Variants in SEMA5A observed in about 807,000 individuals in gnomAD.
SEMA5A encodes the protein semaphorin 5A, also known as semaphorin-5A.
Under a neutral mutation model 135.5 loss-of-function variants are expected in SEMA5A, and 55 were observed. That is an observed-to-expected ratio of 0.41 (90% CI 0.33 to 0.51). The LOEUF is 0.51. Ranked by LOEUF, SEMA5A falls within the 20% of genes least tolerant of loss-of-function variation. The pLI is 0.37. For missense variants in SEMA5A, 1,290 were observed against 1,419.9 expected, an observed-to-expected ratio of 0.91 and a Z score of 1.47; for synonymous variants, 580 against 546.5, an observed-to-expected ratio of 1.06 and a Z score of -0.85.
At chr5:9,196,876 G>A (rs1303344386) in intron 10 of SEMA5A, among the ~76,000 whole-genome samples, 1 of 152,216 alleles carries the variant, frequency 6.6e-6, no homozygotes, top group Non-Finnish European at 1.5e-5. Flanking sequence ...AGCATCATTA[G>A]TACTAATTGA....
At chr5:9,143,656 A>T (rs1381528121) in intron 12 of SEMA5A, among the ~76,000 whole-genome samples, 3 of 152,206 alleles carry the variant, frequency 2.0e-5, no homozygotes, top group African/African-American at 7.2e-5. Flanking sequence ...CAGTGATGGG[A>T]TTAGATAGAG....
At chr5:9,210,634 G>A (rs1746295777) in intron 8 of SEMA5A, among the ~76,000 whole-genome samples, 1 of 152,134 alleles carries the variant, frequency 6.6e-6, no homozygotes, top group East Asian at 1.9e-4. Flanking sequence ...TCAGCAGCTT[G>A]TAAAGGAGGA....
intron 2 of SEMA5A, among the ~76,000 whole-genome samples, chr5:9,434,463 T>C (rs1757963409): frequency 6.6e-6 from 1 of 152,094 alleles, no homozygotes; most frequent in Non-Finnish European, 1.5e-5. Flanking sequence ...ATAATACTCC[T>C]GAAAATCTTA....
chr5:9,055,676 G>T (rs1736850115), intron 18 of SEMA5A, among the ~76,000 whole-genome samples: 1 of 152,026 alleles, frequency 6.6e-6, no homozygotes, highest in Admixed American at 6.6e-5. Flanking sequence ...AAAAATATTT[G>T]AACCCAATTT....
At chr5:9,468,976 CTTAA>C (rs1462842833) in intron 1 of SEMA5A, among the ~76,000 whole-genome samples, 7 of 152,096 alleles carry the variant, frequency 4.6e-5, no homozygotes, top group Admixed American at 1.3e-4. Context: ...GTTGGTGAGG[CTTAA>C]GAGTAGCAAT....
chr5:9,062,744 A>G (rs2150066099), intron 18 of SEMA5A, 143 bp downstream of exon 18: 1 of 820,366 alleles, frequency 1.2e-6, no homozygotes, highest in Non-Finnish European at 2.0e-6. Context: ...TACCAGCATG[A>G]GCAACCACGC....
At chr5:9,415,030 C>T (rs1757236972) in intron 2 of SEMA5A, among the ~76,000 whole-genome samples, 1 of 152,074 alleles carries the variant, frequency 6.6e-6, no homozygotes, top group Non-Finnish European at 1.5e-5. Flanking sequence ...TCATTGCCTC[C>T]CAAAGATCAA....
chr5:9,357,152 T>C (rs1435790469), intron 3 of SEMA5A, among the ~76,000 whole-genome samples: 1 of 152,180 alleles, frequency 6.6e-6, no homozygotes, highest in Non-Finnish European at 1.5e-5. Flanking sequence ...CTCATTTCAT[T>C]TTACCATCCA....
chr5:9,221,516 A>C (rs4702614), intron 8 of SEMA5A, among the ~76,000 whole-genome samples: 2 of 150,816 alleles, frequency 1.3e-5, no homozygotes, highest in African/African-American at 4.9e-5. Flanking sequence ...GTTAGCCAGG[A>C]TGGTCTCGAT....
At chr5:9,316,970 G>T (rs770727174) in intron 5 of SEMA5A, among the ~76,000 whole-genome samples, 4 of 151,966 alleles carry the variant, frequency 2.6e-5, no homozygotes, top group Non-Finnish European at 4.4e-5. Flanking sequence ...CTGACCTTCT[G>T]GGCCCCTGGA....
chr5:9,215,797 T>G (rs1356916723), intron 8 of SEMA5A, among the ~76,000 whole-genome samples: 7 of 152,122 alleles, frequency 4.6e-5, no homozygotes, highest in African/African-American at 1.7e-4. Flanking sequence ...TCTTCTTTAT[T>G]AGTCTAGCTA....
chr5:9,242,835 TAG>T (rs1200824432), intron 5 of SEMA5A, among the ~76,000 whole-genome samples: 2 of 152,192 alleles, frequency 1.3e-5, no homozygotes, highest in African/African-American at 4.8e-5. Context: ...GGAATCGCAT[TAG>T]AGTCATATCA....
At chr5:9,507,939 G>A (rs1224015808) in intron 1 of SEMA5A, among the ~76,000 whole-genome samples, 2 of 151,030 alleles carry the variant, frequency 1.3e-5, no homozygotes, top group African/African-American at 4.9e-5. Flanking sequence ...AGGAGGCATA[G>A]CTTGCAGTAA....
intron 5 of SEMA5A, among the ~76,000 whole-genome samples, chr5:9,294,029 A>G (rs1224904886): frequency 6.6e-6 from 1 of 152,212 alleles, no homozygotes; most frequent in Non-Finnish European, 1.5e-5. Flanking sequence ...AGTGAATTGA[A>G]AACACATTAC....
At chr5:9,527,768 G>A (rs1027026440) in intron 1 of SEMA5A, among the ~76,000 whole-genome samples, 2 of 152,132 alleles carry the variant, frequency 1.3e-5, no homozygotes, top group Admixed American at 6.5e-5. Context: ...GACAAAGTGG[G>A]GCATGGAGAG....
intron 16 of SEMA5A, among the ~76,000 whole-genome samples, chr5:9,106,667 C>G (rs7730757): frequency 0.12 from 17,529 of 152,192 alleles, 1,557 homozygotes; most frequent in East Asian, 0.32. Context: ...CAGCAAAATA[C>G]AAAGTTATCC....
intron 4 of SEMA5A, among the ~76,000 whole-genome samples, chr5:9,334,614 T>G (rs1753300024): frequency 6.6e-6 from 1 of 152,208 alleles, no homozygotes; most frequent in South Asian, 2.1e-4. Flanking sequence ...TAGAAATTGT[T>G]GCATCATCTT....
At chr5:9,108,083 T>C (rs1231113814) in intron 16 of SEMA5A, 57 bp downstream of exon 16, 3 of 1,578,850 alleles carry the variant, frequency 1.9e-6, no homozygotes, top group Non-Finnish European at 2.6e-6. Flanking sequence ...TTGTGTGTAT[T>C]GAGTCTGTAT....
At chr5:9,355,838 T>C (rs573701937) in intron 3 of SEMA5A, among the ~76,000 whole-genome samples, 1 of 152,254 alleles carries the variant, frequency 6.6e-6, no homozygotes, top group Non-Finnish European at 1.5e-5. Flanking sequence ...AACAAATGAA[T>C]GCATGCAGAA....
Sources: allele counts gnomAD v4.1 joint callset (sites outside exome capture counted in the v4.1 genomes callset), GRCh38; gene constraint gnomAD v4.1.1; transcripts MANE v1.5; gene names NCBI Gene and HGNC (gene_info 2026-07-23, HGNC 2026-07-21).